FGL1: variants seen among roughly 807,000 people sequenced by gnomAD.
The protein encoded by FGL1 is fibrinogen like 1, also known as fibrinogen-like protein 1.
A neutral mutation model predicts 43.7 loss-of-function variants in FGL1; 59 were observed. That is an observed-to-expected ratio of 1.35 (90% confidence interval 1.10 to 1.68). The LOEUF (loss-of-function observed/expected upper bound fraction) is 1.68, where lower values mean the gene tolerates loss of function less well. FGL1 is among the 40% of genes most tolerant of loss of function. FGL1 has a pLI of 0.00. For missense variants in FGL1, 596 were observed against 373.0 expected (o/e 1.60, Z -4.92); for synonymous variants, 192 against 126.5 (o/e 1.52, Z -3.48).
Position 17,894,803 on chromosome 8 carries a change from C to G in FGL1, c.-18+644G>C, listed in dbSNP as rs1214788072. On this transcript the variant is annotated intron_variant, in intron 1 of 7. Transcript: ENST00000427924. ...AATGGAAGTATGTTTTGAAAATGCT[C>G]TGGGTGATGCACCTATATATCATAT... Among the ~76,000 whole-genome samples, 2 of 146,410 alleles carry G rather than the reference C, an allele frequency of 1.4e-5. 1 individual carries two copies. The highest frequency in any genetic ancestry group is 5.4e-5 in the African/African-American group (2 of 37,148).
chr8:17,889,526 G>A (rs2053676620), intron 1 of FGL1, among the ~76,000 whole-genome samples: 1 of 145,612 alleles, frequency 6.9e-6, no homozygotes, highest in South Asian at 2.3e-4. Flanking sequence ...GTTAAGCCTG[G>A]GTGACAGAGC....
At chr8:17,885,181 C>G (rs1282365240) in intron 2 of FGL1, among the ~76,000 whole-genome samples, 1 of 151,982 alleles carries the variant, frequency 6.6e-6, no homozygotes, top group Non-Finnish European at 1.5e-5. Context: ...GCTAGGACTA[C>G]AGATGCGTGC....
At chr8:17,877,774 C>A (rs2517305) in intron 3 of FGL1, among the ~76,000 whole-genome samples, 9 of 151,934 alleles carry the variant, frequency 5.9e-5, no homozygotes, top group Non-Finnish European at 8.8e-5. Flanking sequence ...TACAAACAAT[C>A]CAATTTTGCT....
intron 5 of FGL1, among the ~76,000 whole-genome samples, chr8:17,870,182 A>G (rs1280028066): frequency 6.6e-6 from 1 of 152,214 alleles, no homozygotes; most frequent in Non-Finnish European, 1.5e-5. Context: ...ATGCTAAAGA[A>G]TGATATATGA....
In FGL1 at chr8:17,879,976, A is replaced by G. The variant is rs140353471; in HGVS notation, c.244+2023T>C. 2.3e-3 allele frequency among the ~76,000 whole-genome samples: 347 copies of G among 152,314 alleles called. 1 individual carries two copies. Among genetic ancestry groups the G allele is most frequent in the African/African-American group, 7.9e-3 (329 of 41,570 alleles). On this transcript the variant is annotated intron_variant, in intron 3 of 7. Transcript: ENST00000427924. ...TTTGGAGTAATGATGATCCACTGGC[A>G]TCTACGAGTTCCTCGCCCTTGAGAT...
rs767082883 is a variant in FGL1, at chr8:17,864,755, G to C, written c.780-4C>G. The C allele has an allele frequency of 1.4e-6, 2 of 1,448,958 alleles. No individual in the cohort carries two copies. Among genetic ancestry groups the C allele is most frequent in the South Asian group, 3.2e-5 (2 of 62,514 alleles). The allele number at this position is 1,448,958 out of a possible 1,614,324, so 89.8% of individuals were successfully genotyped here. A position where few individuals can be genotyped will look rare whatever the true frequency, so the allele number is the denominator to read the frequency against. ...ATTCAGGTTTGCAGAGTGACACCTA[G>C]TGGAAGGGAGAAAAAAAAAGAAAAC... is the stretch of plus-strand genomic sequence containing the variant. On this transcript the variant is annotated splice_polypyrimidine_tract_variant and splice_region_variant and intron_variant, in intron 7 of 7. Transcript: ENST00000427924.
intron 3 of FGL1, among the ~76,000 whole-genome samples, chr8:17,875,306 T>C (rs1679131419): frequency 1.3e-5 from 2 of 152,202 alleles, no homozygotes; most frequent in South Asian, 4.1e-4. Flanking sequence ...CTCTTAGCCT[T>C]ATTAGATTTT....
At chr8:17,867,370 C>G (rs2131691743) in intron 7 of FGL1, among the ~76,000 whole-genome samples, 1 of 152,156 alleles carries the variant, frequency 6.6e-6, no homozygotes, top group East Asian at 1.9e-4. Context: ...GTGTATGTCA[C>G]TGTAAAATTT....
rs1563452305 is a variant in FGL1, at chr8:17,875,528, T to TC, written c.245-1008_245-1007insG. On this transcript the variant is annotated intron_variant, in intron 3 of 7. Coordinates refer to ENST00000427924, the MANE Select transcript of FGL1 (RefSeq NM_004467.4). ...CTTTCTTTCTTTCTTTCTTTCTTTC[T>TC]TTCTTTCTCTTTCTTTCTTTCTTTC... Among the ~76,000 whole-genome samples the TC allele has an allele frequency of 2.4e-3, 31 of 12,782 alleles. 4 individuals carry two copies. The highest frequency in any genetic ancestry group is 7.5e-3 in the African/African-American group (30 of 4,018). The allele number at this position is 12,782 out of a possible 152,430, so 8.4% of individuals were successfully genotyped here.
At chr8:17,879,680 T>G (rs1293068798) in intron 3 of FGL1, among the ~76,000 whole-genome samples, 1 of 151,716 alleles carries the variant, frequency 6.6e-6, no homozygotes, top group Non-Finnish European at 1.5e-5. Flanking sequence ...CAGAAGCAGA[T>G]GCTGCTATGC....
chr8:17,875,566 T>C (rs1280871356), intron 3 of FGL1, among the ~76,000 whole-genome samples: 6 of 49,806 alleles, frequency 1.2e-4, no homozygotes, highest in African/African-American at 1.8e-4. Flanking sequence ...TCTTTCTTTC[T>C]TTCTTTCTTT....
chr8:17,864,721 G>C lies in FGL1; in HGVS notation c.810C>G (p.Tyr270Ter). The C allele has an allele frequency of 6.3e-7, 1 of 1,592,286 alleles. No homozygotes were observed. The highest frequency in any genetic ancestry group is 8.5e-7 in the Non-Finnish European group (1 of 1,172,236). Residue 270 changes from tyrosine (Y) to a stop codon, truncating the protein, a stop_gained, in exon 8 of 8, where the codon TAC (tyrosine) becomes TAG (stop). Coordinates refer to ENST00000427924, the MANE Select transcript of FGL1 (RefSeq NM_004467.4). LOFTEE classifies it high-confidence loss of function. ...RCHSANLNGV[Y>*]YSGPYTAKTD... ...TTTTAGCCGTGTAGGGGCCGCTGTA[G>C]TATACACCATTCAGGTTTGCAGAGT...
chr8:17,866,766 T>C (rs1585124953), intron 7 of FGL1, among the ~76,000 whole-genome samples: 1 of 152,254 alleles, frequency 6.6e-6, no homozygotes, highest in African/African-American at 2.4e-5. Flanking sequence ...GATCTCAGGA[T>C]ACTATTAGTA....
chr8:17,866,079 G>T (rs2053265576), intron 7 of FGL1, among the ~76,000 whole-genome samples: 1 of 152,152 alleles, frequency 6.6e-6, no homozygotes, highest in Non-Finnish European at 1.5e-5. Context: ...GCATATATTT[G>T]TCTATCTAGA....
Position 17,885,685 on chromosome 8 carries a change from C to T in FGL1, c.-17-114G>A, listed in dbSNP as rs1224564417. 15 of 754,404 alleles carry T rather than the reference C, an allele frequency of 2.0e-5. No individual in the cohort carries two copies. In the South Asian group the frequency reaches 2.1e-4, roughly 11 times the overall value. 46.7% of individuals were successfully genotyped at this position (754,404 alleles called of 1,614,324 possible). On this transcript the variant is annotated intron_variant, in intron 1 of 7. Coordinates refer to ENST00000427924, the MANE Select transcript of FGL1 (RefSeq NM_004467.4). ...GATGCAGCCGCAGGCCATCCCTAAT[C>T]TTAGAGTCGCCGAGGAAATTCTCCC...
intron 6 of FGL1, 48 bp downstream of exon 6, chr8:17,868,868 C>T (rs2053313168): frequency 2.0e-6 from 3 of 1,483,700 alleles, no homozygotes; most frequent in African/African-American, 2.8e-5. Context: ...TTATATTGCA[C>T]ATTTTAAGCA....
chr8:17,887,907 T>C lies in FGL1; in HGVS notation c.-17-2336A>G, dbSNP rs1328860359. 2.6e-5 allele frequency among the ~76,000 whole-genome samples: 4 copies of C among 152,114 alleles called. 1 individual carries two copies. In the South Asian group the frequency reaches 6.2e-4, roughly 24 times the overall value. ...CCTTTTAAACATATGATATAATTTG[T>C]AGCAACAATTTATAAGAACTCTGGC... On this transcript the variant is annotated intron_variant, in intron 1 of 7. Transcript: ENST00000427924.
chr8:17,874,730 G>A (rs1031579833), intron 3 of FGL1: 7 of 378,654 alleles, frequency 1.8e-5, no homozygotes, highest in African/African-American at 1.5e-4. Context: ...CTGAATCCTT[G>A]ATATAATCAT....
At chr8:17,891,708 G>A (rs953686342) in intron 1 of FGL1, 15 of 984,956 alleles carry the variant, frequency 1.5e-5, no homozygotes, top group Non-Finnish European at 1.6e-5. Context: ...AACTTCCCAG[G>A]ATCTGTTATT....
Sources: allele counts gnomAD v4.1 joint callset (sites outside exome capture counted in the v4.1 genomes callset), GRCh38; gene constraint gnomAD v4.1.1; transcripts MANE v1.5; gene names NCBI Gene and HGNC (gene_info 2026-07-23, HGNC 2026-07-21).